Variants in RYR3 observed in about 807,000 individuals in gnomAD.
RYR3 encodes ryanodine receptor 3.
RYR3 carries 207 observed loss-of-function variants against 584.3 expected under a neutral mutation model. That is an observed-to-expected ratio of 0.35 (90% CI 0.32 to 0.40). RYR3 has a LOEUF of 0.40. Ranked by LOEUF, RYR3 falls within the 10% of genes least tolerant of loss-of-function variation. The pLI is 1.00. For missense variants in RYR3, 5,616 were observed against 6,089.2 expected (o/e 0.92, Z 2.59); for synonymous variants, 2,416 against 2,248.5 (o/e 1.07, Z -2.11).
intron 1 of RYR3, among the ~76,000 whole-genome samples, chr15:33,336,134 A>C (rs140318119): frequency 6.6e-5 from 10 of 152,284 alleles, no homozygotes; most frequent in African/African-American, 2.4e-4. Flanking sequence ...CAAGTCTATG[A>C]AAGTGAGATA....
intron 56 of RYR3, 39 bp downstream of exon 56, chr15:33,750,093 C>G: frequency 6.2e-7 from 1 of 1,607,346 alleles, no homozygotes; most frequent in Non-Finnish European, 8.5e-7. Context: ...GAAGCTGAAC[C>G]GGGGCAGCTA....
At position 33,652,855 on chromosome 15, in the gene RYR3, A is replaced by T; in HGVS notation, c.4280A>T (p.Asn1427Ile). 1 of 1,613,044 alleles carries T rather than the reference A, an allele frequency of 6.2e-7. No individual in the cohort carries two copies. Residue 1427 changes from asparagine to isoleucine, a missense_variant, in exon 32 of 104, where the codon AAT becomes ATT. By Grantham distance (149) the Asn-to-Ile change is moderately radical. This residue lies in a region of RYR3 where 753 missense variants were observed against 741.0 expected (regional missense o/e 1.02). Coordinates refer to ENST00000634891, the MANE Select transcript of RYR3 (RefSeq NM_001036.6). ...LAMGMLSFSA[N>I]GKELGTCYQV... ...ATGGGCATGTTGTCCTTCTCAGCCA[A>T]TGGAAAGGAACTGGGCACCTGCTAC... is the stretch of plus-strand genomic sequence containing the variant.
chr15:33,337,028 G>T (rs1971188031), intron 1 of RYR3, among the ~76,000 whole-genome samples: 1 of 122,934 alleles, frequency 8.1e-6, no homozygotes, highest in African/African-American at 3.1e-5. Context: ...CTGCACTCCA[G>T]CCTGGGTTAC....
At chr15:33,649,010 C>T (rs778436517) in intron 30 of RYR3, 62 bp from the exon 31 acceptor site, 14 of 1,514,464 alleles carry the variant, frequency 9.2e-6, no homozygotes, top group Admixed American at 1.8e-5. Context: ...CCTCTTGGGC[C>T]CCCTATCTTC....
At chr15:33,843,796 A>T (rs555267480) in intron 92 of RYR3, among the ~76,000 whole-genome samples, 3 of 152,320 alleles carry the variant, frequency 2.0e-5, no homozygotes, top group Admixed American at 2.0e-4. Flanking sequence ...GTTCATGCTT[A>T]TTTTAGTCGT....
At chr15:33,861,218 C>T (rs778913890) in intron 102 of RYR3, 40 bp downstream of exon 102, 25 of 1,468,654 alleles carry the variant, frequency 1.7e-5, no homozygotes, top group South Asian at 1.3e-4. Context: ...GCAGCTGTAG[C>T]GTAAATAAAG....
chr15:33,659,568 T>C (rs1258518960), intron 32 of RYR3, among the ~76,000 whole-genome samples, 152 bp from the exon 33 acceptor site: 1 of 152,250 alleles, frequency 6.6e-6, no homozygotes, highest in Non-Finnish European at 1.5e-5. Context: ...CGCTGATAGA[T>C]AACTGGTCTC....
intron 38 of RYR3, among the ~76,000 whole-genome samples, chr15:33,691,659 CTT>C (rs2065444831): frequency 6.6e-6 from 1 of 152,192 alleles, no homozygotes; most frequent in Non-Finnish European, 1.5e-5. Flanking sequence ...AAACACTGAA[CTT>C]TAATACATAG....
intron 57 of RYR3, among the ~76,000 whole-genome samples, chr15:33,753,973 A>C (rs1044226759): frequency 3.3e-5 from 5 of 152,148 alleles, no homozygotes; most frequent in Non-Finnish European, 7.4e-5. Context: ...GGTGAAACCC[A>C]TCTCTACTAA....
At position 33,865,907 on chromosome 15, in the gene RYR3, TTTAG is replaced by T. The variant is rs2153031573; in HGVS notation, c.*683_*686del. On this transcript the variant is annotated 3_prime_UTR_variant, in exon 104 of 104. Transcript: ENST00000634891. ...CTTGAAGGTTATTCATACAAGTTTT[TTTAG>T]TAACAGCTGTCAGTCAACTGCTGTT... 6.5e-6 allele frequency: 1 copy of T among 152,824 alleles called. No homozygotes were observed. Among genetic ancestry groups the T allele is most frequent in the East Asian group, 1.9e-4 (1 of 5,180 alleles). The allele number at this position is 152,824 out of a possible 1,614,324, so 9.5% of individuals were successfully genotyped here.
At chr15:33,704,287 A>AC (rs2066521880) in intron 42 of RYR3, among the ~76,000 whole-genome samples, 1 of 151,904 alleles carries the variant, frequency 6.6e-6, no homozygotes, top group Non-Finnish European at 1.5e-5. Context: ...GTCTCAAAAA[A>AC]AAAAAAAAAG....
intron 3 of RYR3, among the ~76,000 whole-genome samples, chr15:33,505,713 T>C (rs191405269): frequency 3.8e-4 from 58 of 152,264 alleles, no homozygotes; most frequent in South Asian, 1.9e-3. Context: ...AGGATGGTCT[T>C]GATCTCCTGA....
intron 1 of RYR3, among the ~76,000 whole-genome samples, chr15:33,379,683 C>CTATATA (rs1216681475): frequency 2.6e-4 from 30 of 116,944 alleles, no homozygotes; most frequent in African/African-American, 8.6e-4. Flanking sequence ...CTCTCTCTCT[C>CTATATA]TCTCTATATA....
chr15:33,567,789 G>C (rs2057794002), intron 12 of RYR3, among the ~76,000 whole-genome samples: 1 of 152,136 alleles, frequency 6.6e-6, no homozygotes, highest in South Asian at 2.1e-4. Context: ...CACTGAATCA[G>C]ATACCCTCAG....
At chr15:33,637,097 G>T (rs931042097) in intron 27 of RYR3, among the ~76,000 whole-genome samples, 2 of 152,162 alleles carry the variant, frequency 1.3e-5, no homozygotes, top group Admixed American at 1.3e-4. Context: ...TAATGTCCAT[G>T]AATAGACCAC....
At chr15:33,323,180 C>A (rs1449482264) in intron 1 of RYR3, among the ~76,000 whole-genome samples, 1 of 152,096 alleles carries the variant, frequency 6.6e-6, no homozygotes, top group Non-Finnish European at 1.5e-5. Flanking sequence ...GGCACGATCT[C>A]TGCTCACTGC....
intron 1 of RYR3, among the ~76,000 whole-genome samples, chr15:33,314,941 C>CAA (rs1567010233): frequency 0.063 from 6,022 of 95,770 alleles, 363 homozygotes; most frequent in African/African-American, 0.15. Context: ...AAAAAAAAAA[C>CAA]CAAAAAAAAA....
chr15:33,500,300 C>G (rs2051851850), intron 2 of RYR3, among the ~76,000 whole-genome samples: 1 of 152,132 alleles, frequency 6.6e-6, no homozygotes, highest in Non-Finnish European at 1.5e-5. Flanking sequence ...CTAGTGTATG[C>G]TAGCACAGTG....
chr15:33,788,751 C>A (rs2074903716), intron 67 of RYR3, among the ~76,000 whole-genome samples: 1 of 152,158 alleles, frequency 6.6e-6, no homozygotes, highest in Non-Finnish European at 1.5e-5. Flanking sequence ...CACTTCTGCC[C>A]CTCTGCTGTT....
Sources: allele counts gnomAD v4.1 joint callset (sites outside exome capture counted in the v4.1 genomes callset), GRCh38; gene constraint gnomAD v4.1.1; regional missense constraint gnomAD v4.1.1; transcripts MANE v1.5; gene names NCBI Gene and HGNC (gene_info 2026-07-23, HGNC 2026-07-21).